Variants in COL23A1 observed in about 807,000 individuals in gnomAD.
COL23A1 encodes the protein collagen type XXIII alpha 1 chain, also known as collagen alpha-1(XXIII) chain.
A neutral mutation model predicts 99.3 loss-of-function variants in COL23A1; 97 were observed. The ratio of observed to expected loss-of-function variants is 0.98; its 90% CI spans 0.83 to 1.16. The LOEUF is 1.16. COL23A1 is among the 50% of genes most tolerant of loss of function. COL23A1 has a pLI of 0.00. For missense variants in COL23A1, 762 were observed against 757.4 expected, an observed-to-expected ratio of 1.01 and a Z score of -0.07; for synonymous variants, 320 against 308.2, an observed-to-expected ratio of 1.04 and a Z score of -0.40.
intron 8 of COL23A1, 99 bp downstream of exon 8, chr5:178,267,208 G>A: frequency 7.6e-7 from 1 of 1,307,588 alleles, no homozygotes; most frequent in Non-Finnish European, 1.1e-6. Context: ...TCTGTGATGA[G>A]CTGCGGGGAG....
chr5:178,417,922 T>C (rs1194669000), intron 2 of COL23A1, among the ~76,000 whole-genome samples: 1 of 152,220 alleles, frequency 6.6e-6, no homozygotes. Flanking sequence ...TCAGAGCCTA[T>C]TATTTATTCG....
intron 19 of COL23A1, among the ~76,000 whole-genome samples, chr5:178,248,576 G>A (rs1395858886): frequency 6.6e-6 from 1 of 152,150 alleles, no homozygotes; most frequent in African/African-American, 2.4e-5. Context: ...CACTGGAAGT[G>A]TCCCAGTGGT....
At chr5:178,464,379 T>C (rs1265477011) in intron 2 of COL23A1, among the ~76,000 whole-genome samples, 1 of 152,232 alleles carries the variant, frequency 6.6e-6, no homozygotes, top group East Asian at 1.9e-4. Flanking sequence ...GGAGCATGCA[T>C]CAGAATTTTC....
chr5:178,539,850 G>A (rs1581595566), intron 2 of COL23A1, among the ~76,000 whole-genome samples: 1 of 152,146 alleles, frequency 6.6e-6, no homozygotes, highest in Non-Finnish European at 1.5e-5. Flanking sequence ...TATAAAGACC[G>A]ATGCAAATCC....
In COL23A1 at chr5:178,544,906, A is replaced by T. The variant is rs558525846; in HGVS notation, c.361+15776T>A. Among the ~76,000 whole-genome samples the T allele has an allele frequency of 1.3e-5, 2 of 152,180 alleles. No individual in the cohort carries two copies. Among genetic ancestry groups the T allele is most frequent in the African/African-American group, 4.8e-5 (2 of 41,518 alleles). ...GCAACACAGCAAACCCCGTCTCTAG[A>T]ACAACAACAACAAAAAAAGAAAAAT... On this transcript the variant is annotated intron_variant, in intron 2 of 28. Transcript: ENST00000390654. The surrounding 1 kb of genome is among the most constrained non-coding windows in gnomAD (Gnocchi z 4.4).
At chr5:178,335,664 C>T (rs1398556545) in intron 2 of COL23A1, among the ~76,000 whole-genome samples, 1 of 152,014 alleles carries the variant, frequency 6.6e-6, no homozygotes, top group African/African-American at 2.4e-5. Context: ...GAGGAGAGAC[C>T]AAAAAGGAGT....
At chr5:178,348,853 AC>A (rs940267807) in intron 2 of COL23A1, among the ~76,000 whole-genome samples, 1 of 151,800 alleles carries the variant, frequency 6.6e-6, no homozygotes, top group Non-Finnish European at 1.5e-5. Context: ...GCCCAGGCCA[AC>A]CCCCCAGCAG....
chr5:178,487,465 G>A (rs1048597350), intron 2 of COL23A1, among the ~76,000 whole-genome samples: 2 of 152,014 alleles, frequency 1.3e-5, no homozygotes, highest in Non-Finnish European at 2.9e-5. Context: ...GATTACAGGC[G>A]TGCAACCACC....
intron 2 of COL23A1, among the ~76,000 whole-genome samples, chr5:178,554,860 A>G (rs796255895): frequency 6.6e-6 from 1 of 152,212 alleles, no homozygotes; most frequent in East Asian, 1.9e-4. Context: ...GGTAAAATAC[A>G]TATAACATAA....
chr5:178,437,381 G>T (rs899621973), intron 2 of COL23A1, among the ~76,000 whole-genome samples: 3 of 152,304 alleles, frequency 2.0e-5, no homozygotes, highest in Non-Finnish European at 4.4e-5. Context: ...TGCCAGGAGA[G>T]GTTGCAGGAG....
intron 2 of COL23A1, among the ~76,000 whole-genome samples, chr5:178,388,692 C>T (rs865867759): frequency 2.6e-5 from 4 of 152,280 alleles, no homozygotes; most frequent in South Asian, 2.1e-4. Context: ...ACCAGGCCAC[C>T]GAGTGGCCTC....
At chr5:178,259,842 T>G in intron 11 of COL23A1, 95 bp from the exon 12 acceptor site, 1 of 1,193,264 alleles carries the variant, frequency 8.4e-7, no homozygotes. Context: ...GAAGTGGCAC[T>G]GATGACCCGT....
intron 2 of COL23A1, among the ~76,000 whole-genome samples, chr5:178,355,055 T>A (rs1463830403): frequency 2.0e-4 from 21 of 102,848 alleles, no homozygotes; most frequent in African/African-American, 9.7e-4. Flanking sequence ...AGACTTTGTC[T>A]CAAAAAAAAA....
chr5:178,517,873 C>CTTTTTTTTTTTTTTT (rs71577021), intron 2 of COL23A1, among the ~76,000 whole-genome samples: 4 of 97,738 alleles, frequency 4.1e-5, no homozygotes, highest in African/African-American at 1.5e-4. Flanking sequence ...AACAGCGGTT[C>CTTTTTTTTTTTTTTT]TTTTTTTTTT....
At chr5:178,426,446 G>A (rs1581369713) in intron 2 of COL23A1, among the ~76,000 whole-genome samples, 2 of 152,298 alleles carry the variant, frequency 1.3e-5, no homozygotes, top group Admixed American at 1.3e-4. Flanking sequence ...GGGCCACCCT[G>A]TTTTCGTGCA....
rs548725049 is a variant in COL23A1 at position 178,308,351 on chromosome 5, A to C, written c.362-1432T>G. On this transcript the variant is annotated intron_variant, in intron 2 of 28. Coordinates refer to ENST00000390654, the MANE Select transcript of COL23A1 (RefSeq NM_173465.4). This position sits in a 1 kb window ranked among gnomAD's most constrained non-coding sequence, Gnocchi z 5.1. ...GGACTTGAGGTGAGGATTGTTAAAC[A>C]AAACTTAAAAATGAAAAACATGTTA... Among the ~76,000 whole-genome samples the C allele has an allele frequency of 6.6e-6, 1 of 152,286 alleles. No homozygotes were observed. The highest frequency in any genetic ancestry group is 1.9e-4 in the East Asian group (1 of 5,170).
chr5:178,564,457 T>C (rs1762750850), intron 1 of COL23A1, among the ~76,000 whole-genome samples: 1 of 152,130 alleles, frequency 6.6e-6, no homozygotes, highest in African/African-American at 2.4e-5. Context: ...TCCAGGTTTG[T>C]AAAAATGACT....
rs968196595 is a variant in COL23A1, at chr5:178,529,807, G to T, written c.361+30875C>A. Among the ~76,000 whole-genome samples the T allele has an allele frequency of 3.3e-5, 5 of 152,158 alleles. No homozygotes were observed. The East Asian group carries it at 7.7e-4, about 23-fold the overall frequency. ...TTAAACTCCTCGTGTCCAGCATGGT[G>T]CCAGGCACACAAGAAAGGGCCAGTA... is the stretch of plus-strand genomic sequence containing the variant. On this transcript the variant is annotated intron_variant, in intron 2 of 28. Coordinates refer to ENST00000390654, the MANE Select transcript of COL23A1 (RefSeq NM_173465.4).
chr5:178,254,957 C>T lies in COL23A1; in HGVS notation c.952G>A (p.Ala318Thr), dbSNP rs1473278364. ...VIDYDGRILD[A>T]LKGPPGPQGP... ...CCCACCAGGAACACTACCTTGAGGGCATCCAAGATCCTGCCATCATAGTCG... is the reference window on the plus strand; with the variant it reads ...CCCACCAGGAACACTACCTTGAGGGTATCCAAGATCCTGCCATCATAGTCG... Residue 318 changes from alanine to threonine, a missense_variant, in exon 16 of 29, where the codon GCC becomes ACC. By Grantham distance (58) the Ala-to-Thr change is moderately conservative (BLOSUM62 0). Transcript: ENST00000390654. 2 of 1,613,470 alleles carry T rather than the reference C, an allele frequency of 1.2e-6. No homozygotes were observed. Among genetic ancestry groups the T allele is most frequent in the Admixed American group, 1.7e-5 (1 of 60,000 alleles).
Sources: allele counts gnomAD v4.1 joint callset (sites outside exome capture counted in the v4.1 genomes callset), GRCh38; gene constraint gnomAD v4.1.1; non-coding constraint Gnocchi (gnomAD v3.1); transcripts MANE v1.5; gene names NCBI Gene and HGNC (gene_info 2026-07-23, HGNC 2026-07-21).